The following SLC18A2 variants were observed in gnomAD, a reference collection of about 807,000 sequenced individuals.
The protein encoded by SLC18A2 is synaptic vesicular amine transporter.
In SLC18A2, 33 loss-of-function variants were observed where a neutral mutation model predicts 59.2. The ratio of observed to expected loss-of-function variants is 0.56; its 90% confidence interval spans 0.42 to 0.75. The LOEUF (loss-of-function observed/expected upper bound fraction) is 0.75, where lower values mean the gene tolerates loss of function less well. Among genes scored for constraint, SLC18A2 ranks in the 30% least tolerant of loss-of-function variants. The probability of loss-of-function intolerance (pLI) is 0.00; values close to 1 mark genes in which losing one functional copy is unlikely to be tolerated. For missense variants in SLC18A2, 569 were observed against 668.6 expected, an observed-to-expected ratio of 0.85 and a Z score of 1.64; for synonymous variants, 228 against 253.5, an observed-to-expected ratio of 0.90 and a Z score of 0.95.
intron 12 of SLC18A2, chr10:117,267,444 C>T: frequency 2.2e-6 from 1 of 458,212 alleles, no homozygotes; most frequent in African/African-American, 1.9e-5. Flanking sequence ...TGATCTTTCA[C>T]ATATGCCGGT....
chr10:117,265,007 A>ACGTTGT (rs1311021810), intron 10 of SLC18A2, among the ~76,000 whole-genome samples: 1 of 152,152 alleles, frequency 6.6e-6, no homozygotes, highest in African/African-American at 2.4e-5. Context: ...GACAAGAATC[A>ACGTTGT]CGTTGTCATT....
chr10:117,243,365 A>G (rs961876902), intron 2 of SLC18A2, among the ~76,000 whole-genome samples: 3 of 152,218 alleles, frequency 2.0e-5, no homozygotes, highest in Admixed American at 2.0e-4. Flanking sequence ...CCCACAAATG[A>G]CAGAATCTCT....
At chr10:117,245,139 C>T (rs1248501808) in intron 3 of SLC18A2, among the ~76,000 whole-genome samples, 1 of 152,134 alleles carries the variant, frequency 6.6e-6, no homozygotes, top group Non-Finnish European at 1.5e-5. Flanking sequence ...GGCAGGCCCC[C>T]AAGGTGTCAG....
chr10:117,274,856 CT>C (rs1844466986), intron 15 of SLC18A2, among the ~76,000 whole-genome samples: 1 of 152,118 alleles, frequency 6.6e-6, no homozygotes, highest in African/African-American at 2.4e-5. Flanking sequence ...GGGATAGGAC[CT>C]TAAAGGCACT....
chr10:117,249,597 T>C (rs1380077055), intron 3 of SLC18A2, among the ~76,000 whole-genome samples: 1 of 152,210 alleles, frequency 6.6e-6, no homozygotes, highest in African/African-American at 2.4e-5. Flanking sequence ...CTGTAGTCTG[T>C]ATGCTTCTTG....
Position 117,269,222 on chromosome 10 carries a change from CACAAAT to C in SLC18A2, c.1187-844_1187-839del, listed in dbSNP as rs1221696346. Reference sequence around the variant, plus strand: ...ACACACATACACATACACACACATACACAAATACAAGTACATACACAAACACATATA... The same window carrying C: ...ACACACATACACATACACACACATACACAAGTACATACACAAACACATATA... On this transcript the variant is annotated intron_variant, in intron 13 of 15. Transcript: ENST00000644641. This position sits in a 1 kb window ranked among gnomAD's most constrained non-coding sequence, Gnocchi z 5.1. 4.0e-5 allele frequency among the ~76,000 whole-genome samples: 6 copies of C among 151,422 alleles called. No individual in the cohort carries two copies. The highest frequency in any genetic ancestry group is 5.9e-5 in the Non-Finnish European group (4 of 67,924).
Position 117,277,232 on chromosome 10 carries a change from C to T in SLC18A2, c.1511C>T (p.Pro504Leu), listed in dbSNP as rs752815867. The change falls in exon 16 of 16, where the codon CCG becomes CTG. Residue 504 changes from proline (P) to leucine (L), a missense_variant. This residue lies in a region of SLC18A2 where 192 missense variants were observed against 278.8 expected (regional missense o/e 0.69). Coordinates refer to ENST00000644641, the MANE Select transcript of SLC18A2 (RefSeq NM_003054.6). ...MYTQNNIQSYPIGEDEESESD is the reference protein window; with the variant it reads ...MYTQNNIQSYLIGEDEESESD The stretch of plus-strand genomic sequence containing the variant: ...ACTCAGAATAATATCCAGTCATATC[C>T]GATAGGTGAAGATGAAGAATCTGAA... 9.9e-6 allele frequency: 16 copies of T among 1,609,634 alleles called. No homozygotes were observed. Among genetic ancestry groups the T allele is most frequent in the East Asian group, 2.2e-5 (1 of 44,776 alleles).
intron 2 of SLC18A2, among the ~76,000 whole-genome samples, chr10:117,243,029 G>A (rs11197932): frequency 0.19 from 29,208 of 152,176 alleles, 3,735 homozygotes; most frequent in East Asian, 0.57. Context: ...ACCGTGCCTG[G>A]CCTGTTTCAG....
chr10:117,250,976 C>T (rs1251075715), intron 3 of SLC18A2, among the ~76,000 whole-genome samples: 1 of 152,180 alleles, frequency 6.6e-6, no homozygotes, highest in African/African-American at 2.4e-5. Flanking sequence ...GAGTTTTGTC[C>T]TGAAACCACC....
At chr10:117,253,517 A>ACCC in intron 4 of SLC18A2, 60 bp downstream of exon 4, 3 of 824,950 alleles carry the variant, frequency 3.6e-6, no homozygotes, top group Non-Finnish European at 5.5e-6. Context: ...ATTGATGCCC[A>ACCC]TGAGCCGGGA....
chr10:117,253,955 A>T lies in SLC18A2; in HGVS notation c.524-93A>T, dbSNP rs186653695. 1.7e-4 allele frequency: 188 copies of T among 1,120,034 alleles called. 2 individuals carry two copies. The African/African-American group carries it at 2.7e-3, about 16-fold the overall frequency. The allele number at this position is 1,120,034 out of a possible 1,614,324, so 69.4% of individuals were successfully genotyped here. A position where few individuals can be genotyped will look rare whatever the true frequency, so the allele number is the denominator to read the frequency against. ...AGGGTGGCTAACATGCAAATGCTCCACTGGGTTAAGGGGGGCTTCTGAAAC... is the reference window on the plus strand; with the variant it reads ...AGGGTGGCTAACATGCAAATGCTCCTCTGGGTTAAGGGGGGCTTCTGAAAC... On this transcript the variant is annotated intron_variant, in intron 4 of 15. Coordinates refer to ENST00000644641, the MANE Select transcript of SLC18A2 (RefSeq NM_003054.6).
chr10:117,259,445 T>C (rs1391156665), intron 10 of SLC18A2, among the ~76,000 whole-genome samples: 2 of 152,160 alleles, frequency 1.3e-5, no homozygotes, highest in Non-Finnish European at 1.5e-5. Flanking sequence ...CTCTCTTCTG[T>C]TTCCTGTATT....
At position 117,241,678 on chromosome 10, in the gene SLC18A2, G is replaced by A; in HGVS notation, c.-15-1G>A. ...GTCCTCACCGCGCACCGCGCCCGCA[G>A]CGGAGCCCCGGAGCCATGGCCCTGA... On this transcript the variant is annotated splice_acceptor_variant, in intron 1 of 15. Coordinates refer to ENST00000644641, the MANE Select transcript of SLC18A2 (RefSeq NM_003054.6). LOFTEE classifies it low-confidence loss of function (5UTR_SPLICE). 6.4e-7 allele frequency: 1 copy of A among 1,567,526 alleles called. No individual in the cohort carries two copies. The highest frequency in any genetic ancestry group is 8.6e-7 in the Non-Finnish European group (1 of 1,159,120).
At chr10:117,263,236 C>G (rs1031155054) in intron 10 of SLC18A2, among the ~76,000 whole-genome samples, 1 of 152,174 alleles carries the variant, frequency 6.6e-6, no homozygotes, top group Admixed American at 6.5e-5. Flanking sequence ...GGCTCCCTGA[C>G]CCTGGGGATG....
chr10:117,254,398 T>A lies in SLC18A2; in HGVS notation c.608-7T>A. 1 of 1,568,818 alleles carries A rather than the reference T, an allele frequency of 6.4e-7. No homozygotes were observed. Among genetic ancestry groups the A allele is most frequent in the Non-Finnish European group, 8.6e-7 (1 of 1,156,530 alleles). On this transcript the variant is annotated splice_region_variant and splice_polypyrimidine_tract_variant and intron_variant, in intron 5 of 15. Transcript: ENST00000644641. ...CTGGCCTGTTGACTATTTCTTTCCC[T>A]GTGTAGGGATGGGCATGCTTGCCAG...
At chr10:117,256,777 G>A (rs908908117) in intron 9 of SLC18A2, among the ~76,000 whole-genome samples, 1 of 152,182 alleles carries the variant, frequency 6.6e-6, no homozygotes, top group East Asian at 1.9e-4. Context: ...TCTGAGGTGG[G>A]GACGAGGAGG....
At chr10:117,253,514 C>A in intron 4 of SLC18A2, 57 bp downstream of exon 4, 3 of 1,137,590 alleles carry the variant, frequency 2.6e-6, no homozygotes, top group Non-Finnish European at 3.9e-6. Flanking sequence ...GGCATTGATG[C>A]CCATGAGCCG....
chr10:117,243,512 C>T (rs1417888083), intron 2 of SLC18A2, among the ~76,000 whole-genome samples: 1 of 152,150 alleles, frequency 6.6e-6, no homozygotes. Context: ...GCACAGGGCT[C>T]CTGTTTTGGG....
At chr10:117,247,327 G>T (rs1014069793) in intron 3 of SLC18A2, among the ~76,000 whole-genome samples, 1 of 152,202 alleles carries the variant, frequency 6.6e-6, no homozygotes, top group East Asian at 1.9e-4. Context: ...AGCTTGCAGA[G>T]ACTTTTCCTG....
Sources: gnomAD v4.1 joint callset for allele counts (sites outside exome capture counted in the v4.1 genomes callset) on GRCh38, gnomAD v4.1.1 for gene constraint, gnomAD v4.1.1 regional missense constraint, Gnocchi (gnomAD v3.1) non-coding constraint, MANE v1.5 for transcripts, NCBI Gene and HGNC (gene_info 2026-07-23, HGNC 2026-07-21) for gene names.